The following ADH1B variants were observed in gnomAD, a reference collection of about 807,000 sequenced individuals.
ADH1B encodes alcohol dehydrogenase 1B (class I), beta polypeptide, also known as all-trans-retinol dehydrogenase [NAD(+)] ADH1B.
A neutral mutation model predicts 34.6 loss-of-function variants in ADH1B; 29 were observed. The observed-to-expected ratio is 0.84, with a 90% CI of 0.62 to 1.14. The LOEUF (loss-of-function observed/expected upper bound fraction) is 1.14, where lower values mean the gene tolerates loss of function less well. Among genes scored for constraint, ADH1B ranks in the 50% most tolerant of loss-of-function variants. ADH1B has a pLI of 0.00. For missense variants in ADH1B, 424 were observed against 468.4 expected (o/e 0.91, Z 0.87); for synonymous variants, 170 against 175.5 (o/e 0.97, Z 0.25).
chr4:99,321,265 G>GCAAAAA, intron 1 of ADH1B, 49 bp downstream of exon 1: 1 of 1,483,800 alleles, frequency 6.7e-7, no homozygotes, highest in Non-Finnish European at 9.4e-7. Flanking sequence ...TCCTTTCTTT[G>GCAAAAA]TTATATTGAT....
chr4:99,318,586 A>T (rs1733945844), intron 2 of ADH1B, 199 bp downstream of exon 2: 3 of 581,152 alleles, frequency 5.2e-6, no homozygotes, highest in African/African-American at 1.9e-5. Context: ...TTTTACTGGA[A>T]TTATACTGTA....
At position 99,305,311 on chromosome 4, in the gene ADH1B, C is replaced by A. The variant is rs1163472005; in HGVS notation, c.*2529G>T. The A allele has an allele frequency of 1.3e-5, 2 of 150,802 alleles. No individual in the cohort carries two copies. The highest frequency in any genetic ancestry group is 3.0e-5 in the Non-Finnish European group (2 of 67,766). The allele number at this position is 150,802 out of a possible 1,614,324, so 9.3% of individuals were successfully genotyped here. On this transcript the variant is annotated 3_prime_UTR_variant, in exon 9 of 9. Coordinates refer to ENST00000305046, the MANE Select transcript of ADH1B (RefSeq NM_000668.6). ...GTGATATTATTGAAGTCACCCCCCC[C>A]CACTTTATTTGTTTTCATATATCAT...
chr4:99,310,648 G>A, intron 8 of ADH1B, 117 bp downstream of exon 8: 1 of 1,363,684 alleles, frequency 7.3e-7, no homozygotes. Context: ...AGACTGAACT[G>A]GTAATGGAAA....
At chr4:99,310,263 GA>G (rs912288946) in intron 8 of ADH1B, 28 of 347,652 alleles carry the variant, frequency 8.1e-5, no homozygotes, top group South Asian at 1.8e-4. Flanking sequence ...AACTACAAAA[GA>G]AAAAGAAAAA....
rs1733593503 is a variant in ADH1B at position 99,305,600 on chromosome 4, T to G, written c.*2240A>C. The G allele has an allele frequency of 1.0e-5, 1 of 95,962 alleles. No individual in the cohort carries two copies. Among genetic ancestry groups the G allele is most frequent in the Non-Finnish European group, 2.2e-5 (1 of 45,608 alleles). 5.9% of individuals were successfully genotyped at this position (95,962 alleles called of 1,614,324 possible). ...ATATATATATATATATATATATATA[T>G]ATATATATACAATCACTTAACTATA... On this transcript the variant is annotated 3_prime_UTR_variant, in exon 9 of 9. Coordinates refer to ENST00000305046, the MANE Select transcript of ADH1B (RefSeq NM_000668.6).
At chr4:99,316,364 T>A (rs1281157661) in intron 3 of ADH1B, 62 bp from the exon 4 acceptor site, 3 of 1,497,538 alleles carry the variant, frequency 2.0e-6, no homozygotes, top group African/African-American at 2.8e-5. Context: ...GAGCAAAGAC[T>A]TAAAGCTCAC....
At chr4:99,308,018 G>T (rs1234500928) in intron 8 of ADH1B, among the ~76,000 whole-genome samples, 154 bp from the exon 9 acceptor site, 2 of 152,092 alleles carry the variant, frequency 1.3e-5, no homozygotes, top group African/African-American at 4.8e-5. Context: ...CAAGAAAAAG[G>T]AAGTTCATCT....
intron 6 of ADH1B, among the ~76,000 whole-genome samples, chr4:99,312,003 T>G (rs978784149): frequency 1.3e-5 from 2 of 152,216 alleles, no homozygotes; most frequent in African/African-American, 4.8e-5. Context: ...ACGGTCTCCC[T>G]CTTAAGTGGA....
chr4:99,317,607 C>A, intron 3 of ADH1B: 1 of 159,666 alleles, frequency 6.3e-6, no homozygotes, highest in Non-Finnish European at 1.4e-5. Flanking sequence ...CATCCGTAGC[C>A]ATGTAGCCTC....
chr4:99,311,307 GA>G (rs1016817203), intron 7 of ADH1B, among the ~76,000 whole-genome samples: 7 of 152,120 alleles, frequency 4.6e-5, no homozygotes, highest in African/African-American at 9.7e-5. Flanking sequence ...GGTGACAACA[GA>G]AAAAAGTCTA....
At chr4:99,309,095 GA>G (rs1733685065) in intron 8 of ADH1B, among the ~76,000 whole-genome samples, 1 of 151,842 alleles carries the variant, frequency 6.6e-6, no homozygotes, top group East Asian at 1.9e-4. Context: ...ATTTCTTTTT[GA>G]TGGTTTCATT....
chr4:99,306,535 T>C lies in ADH1B; in HGVS notation c.*1305A>G, dbSNP rs1051716312. The C allele has an allele frequency of 3.7e-4, 56 of 152,346 alleles. No individual in the cohort carries two copies. Among genetic ancestry groups the C allele is most frequent in the Admixed American group, 1.6e-3 (24 of 15,306 alleles). 9.4% of individuals were successfully genotyped at this position (152,346 alleles called of 1,614,324 possible). A position where few individuals can be genotyped will look rare whatever the true frequency, so the allele number is the denominator to read the frequency against. The stretch of plus-strand genomic sequence containing the variant: ...AAACTATTTTACTTTATGTCTAAGG[T>C]CTTTCATAATATGAAATAGAATGTA... On this transcript the variant is annotated 3_prime_UTR_variant, in exon 9 of 9. Transcript: ENST00000305046.
chr4:99,320,081 A>C (rs1733986087), intron 1 of ADH1B: 1 of 152,154 alleles, frequency 6.6e-6, no homozygotes, highest in Non-Finnish European at 1.5e-5. Flanking sequence ...TTTGGGGTGC[A>C]GATGGTTTTT....
intron 3 of ADH1B, 31 bp downstream of exon 3, chr4:99,318,015 C>T: frequency 6.2e-7 from 1 of 1,610,392 alleles, no homozygotes; most frequent in Non-Finnish European, 8.5e-7. Context: ...GATGGTGAAC[C>T]ACACGTGTTC....
In ADH1B at chr4:99,307,201, C is replaced by T. The variant is rs903908959; in HGVS notation, c.*639G>A. On this transcript the variant is annotated 3_prime_UTR_variant, in exon 9 of 9. Transcript: ENST00000305046. ...TTATTTTAAAAAATCAATTGTATATCGACCATAAAGAAATAGTATAAAAGT... is the reference window on the plus strand; with the variant it reads ...TTATTTTAAAAAATCAATTGTATATTGACCATAAAGAAATAGTATAAAAGT... The T allele has an allele frequency of 3.3e-5, 5 of 152,112 alleles. No individual in the cohort carries two copies. The highest frequency in any genetic ancestry group is 7.2e-5 in the African/African-American group (3 of 41,394). The allele number at this position is 152,112 out of a possible 1,614,324, so 9.4% of individuals were successfully genotyped here.
Position 99,313,977 on chromosome 4 carries a change from G to A in ADH1B, c.672C>T (p.Asp224=), listed in dbSNP as rs1472672610. 2.5e-6 allele frequency: 4 copies of A among 1,614,152 alleles called. No homozygotes were observed. Among genetic ancestry groups the A allele is most frequent in the Admixed American group, 1.7e-5 (1 of 60,020 alleles). ...AAGAARIIAV[D]INKDKFAKAK... is the part of the protein sequence containing the mutation. ...CCTTTGCAAATTTGTCCTTGTTGAT[G>A]TCCACCGCAATGATTCTGGCTGCTC... is the stretch of plus-strand genomic sequence containing the variant. The change falls in exon 6 of 9, where the codon GAC becomes GAT. Residue 224 remains aspartate (D), a synonymous_variant. Coordinates refer to ENST00000305046, the MANE Select transcript of ADH1B (RefSeq NM_000668.6).
At chr4:99,313,687 C>G (rs979026620) in intron 6 of ADH1B, 134 bp downstream of exon 6, 7 of 1,509,224 alleles carry the variant, frequency 4.6e-6, no homozygotes, top group African/African-American at 2.8e-5. Flanking sequence ...AAACAAGCCA[C>G]ATAACAAACA....
intron 1 of ADH1B, chr4:99,319,172 G>GTATT (rs2110639304): frequency 2.2e-6 from 1 of 464,128 alleles, no homozygotes; most frequent in African/African-American, 2.0e-5. Flanking sequence ...TTTATTCCTG[G>GTATT]TATTTCCTAA....
chr4:99,319,092 T>C, intron 1 of ADH1B: 1 of 695,324 alleles, frequency 1.4e-6, no homozygotes, highest in Non-Finnish European at 2.6e-6. Flanking sequence ...CAAAGTATAA[T>C]AAGACATTGA....
Sources: allele counts gnomAD v4.1 joint callset (sites outside exome capture counted in the v4.1 genomes callset), GRCh38; gene constraint gnomAD v4.1.1; transcripts MANE v1.5; gene names NCBI Gene and HGNC (gene_info 2026-07-23, HGNC 2026-07-21).